CCM2L: variants seen among roughly 807,000 people sequenced by gnomAD.
The protein encoded by CCM2L is CCM2 like scaffold protein, also known as cerebral cavernous malformations 2 protein-like.
In CCM2L, 36 loss-of-function variants were observed where a neutral mutation model predicts 54.1. The observed-to-expected ratio is 0.67, with a 90% CI of 0.51 to 0.88. The LOEUF (loss-of-function observed/expected upper bound fraction) is 0.88, where lower values mean the gene tolerates loss of function less well. CCM2L is among the 40% of genes least tolerant of loss of function. The pLI is 0.00. For synonymous variants in CCM2L, 351 were observed against 359.3 expected, an observed-to-expected ratio of 0.98 and a Z score of 0.26; for missense variants, 700 against 812.1, an observed-to-expected ratio of 0.86 and a Z score of 1.68.
chr20:32,017,964 T>C lies in CCM2L; in HGVS notation c.283-15T>C, dbSNP rs760947640. 1.9e-6 allele frequency: 3 copies of C among 1,613,360 alleles called. No individual in the cohort carries two copies. The highest frequency in any genetic ancestry group is 2.5e-6 in the Non-Finnish European group (3 of 1,179,780). On this transcript the variant is annotated splice_polypyrimidine_tract_variant and intron_variant, in intron 3 of 9. Transcript: ENST00000452892. ...CTGCGGACCTCGGGAACTCGAGATCTGCCCCTCCCTGCAGCAGCTGAAGGA... is the reference window on the plus strand; with the variant it reads ...CTGCGGACCTCGGGAACTCGAGATCCGCCCCTCCCTGCAGCAGCTGAAGGA...
In CCM2L at chr20:32,014,558, G is replaced by A. The variant is rs569453835; in HGVS notation, c.31-346G>A. On this transcript the variant is annotated intron_variant, in intron 1 of 9. Coordinates refer to ENST00000452892, the MANE Select transcript of CCM2L (RefSeq NM_001365692.1). ...TGGGATTACAGGTATGAGCCACCAC[G>A]CCTGGCCTTGAATCCTAACATTTTT... Among the ~76,000 whole-genome samples, 14 of 152,196 alleles carry A rather than the reference G, an allele frequency of 9.2e-5. No homozygotes were observed. The South Asian group carries it at 1.5e-3, about 16-fold the overall frequency.
At position 32,018,064 on chromosome 20, in the gene CCM2L, GCGACAATGA is replaced by G. The variant is rs761230777; in HGVS notation, c.369_377del (p.Asp124_Glu126del). 20 of 1,613,660 alleles carry G rather than the reference GCGACAATGA, an allele frequency of 1.2e-5. No homozygotes were observed. The South Asian group carries it at 2.2e-4, about 18-fold the overall frequency. ...GCCCGCTGCCTGCTGCTCACCTGGC[GCGACAATGA>G]AGAGCTCATTCTGCGAATCCCTACG... On this transcript the variant is annotated inframe_deletion, in exon 4 of 10. Coordinates refer to ENST00000452892, the MANE Select transcript of CCM2L (RefSeq NM_001365692.1).
chr20:32,020,866 C>G lies in CCM2L; in HGVS notation c.933+1457C>G, dbSNP rs2064799742. Among the ~76,000 whole-genome samples, 3 of 152,122 alleles carry G rather than the reference C, an allele frequency of 2.0e-5. No homozygotes were observed. The South Asian group carries it at 6.2e-4, about 31-fold the overall frequency. ...AGGCATAGCGGCGGGTGCCTGTAAT[C>G]TCAGCTACTTGGGAGGCTGAAGCAC... is the stretch of plus-strand genomic sequence containing the variant. On this transcript the variant is annotated intron_variant, in intron 5 of 9. Coordinates refer to ENST00000452892, the MANE Select transcript of CCM2L (RefSeq NM_001365692.1).
At chr20:32,013,331 G>A (rs1414489238) in intron 1 of CCM2L, among the ~76,000 whole-genome samples, 1 of 152,084 alleles carries the variant, frequency 6.6e-6, no homozygotes, top group East Asian at 1.9e-4. Context: ...TTTTATGCCT[G>A]GGTCTCAGTC....
At position 32,018,861 on chromosome 20, in the gene CCM2L, C is replaced by T. The variant is rs372054476; in HGVS notation, c.467-82C>T. 94 of 1,231,658 alleles carry T rather than the reference C, an allele frequency of 7.6e-5. No individual in the cohort carries two copies. The East Asian group carries it at 2.0e-3, about 26-fold the overall frequency. The allele number at this position is 1,231,658 out of a possible 1,614,324, so 76.3% of individuals were successfully genotyped here. A position where few individuals can be genotyped will look rare whatever the true frequency, so the allele number is the denominator to read the frequency against. ...CGGTGGAACCCCAGAGCCGCGAGGT[C>T]AGGTGGCCAGCCGGCCTCGGCGGGG... On this transcript the variant is annotated intron_variant, in intron 4 of 9. Transcript: ENST00000452892.
Position 32,019,364 on chromosome 20 carries a change from C to T in CCM2L, c.888C>T (p.Ser296=), listed in dbSNP as rs746146760. The T allele has an allele frequency of 7.8e-5, 118 of 1,518,058 alleles. No individual in the cohort carries two copies. Among genetic ancestry groups the T allele is most frequent in the South Asian group, 7.3e-4 (61 of 83,008 alleles). 94.0% of individuals were successfully genotyped at this position (1,518,058 alleles called of 1,614,324 possible). The change falls in exon 5 of 10, where the codon AGC becomes AGT. Residue 296 remains serine, a synonymous_variant. Transcript: ENST00000452892. The part of the protein sequence containing the change: ...GPNPLDPQDP[S]PDAYCNLVIL... The stretch of plus-strand genomic sequence containing the variant: ...ACCCGCTCGACCCGCAGGACCCCAG[C>T]CCCGACGCCTACTGCAACCTGGTCA...
At chr20:32,015,408 G>A (rs1024499269) in intron 2 of CCM2L, among the ~76,000 whole-genome samples, 12 of 152,190 alleles carry the variant, frequency 7.9e-5, no homozygotes, top group African/African-American at 2.9e-4. Flanking sequence ...TCAGGAATAG[G>A]CATTGCAATG....
intron 1 of CCM2L, 76 bp downstream of exon 1, chr20:32,010,560 T>TGGGGGGAAAAGTGGGGGGGGGG: frequency 9.5e-6 from 1 of 105,750 alleles, no homozygotes; most frequent in Non-Finnish European, 1.8e-5. Flanking sequence ...TGGGGCGGGG[T>TGGGGGGAAAAGTGGGGGGGGGG]GGGGGGTCGG....
intron 7 of CCM2L, among the ~76,000 whole-genome samples, chr20:32,026,424 G>A (rs1351133570): frequency 6.6e-6 from 1 of 152,116 alleles, no homozygotes; most frequent in Non-Finnish European, 1.5e-5. Flanking sequence ...CCGAGATGGT[G>A]GTTGTAGCTC....
chr20:32,026,860 A>G (rs1348251066), intron 7 of CCM2L, among the ~76,000 whole-genome samples: 1 of 150,420 alleles, frequency 6.6e-6, no homozygotes, highest in Non-Finnish European at 1.5e-5. Flanking sequence ...TGGGCGACAG[A>G]GCGAGACTCT....
intron 2 of CCM2L, among the ~76,000 whole-genome samples, chr20:32,015,882 A>T (rs1368202594): frequency 7.7e-5 from 6 of 78,094 alleles, no homozygotes; most frequent in Admixed American, 3.9e-4. Flanking sequence ...TTTGAGACAG[A>T]GTCTCATTCT....
At chr20:32,026,455 T>C (rs2064861417) in intron 7 of CCM2L, among the ~76,000 whole-genome samples, 1 of 152,164 alleles carries the variant, frequency 6.6e-6, no homozygotes. Context: ...AGTAGCATGC[T>C]AAGGGGCCTC....
Position 32,017,784 on chromosome 20 carries a change from C to T in CCM2L, c.199-16C>T. On this transcript the variant is annotated splice_polypyrimidine_tract_variant and intron_variant, in intron 2 of 9. Coordinates refer to ENST00000452892, the MANE Select transcript of CCM2L (RefSeq NM_001365692.1). ...TGACATCTCTGTGTCCTTCTCTCACCCCGATTTCCATCCAGTTCCTGGGCC... is the reference window on the plus strand; with the variant it reads ...TGACATCTCTGTGTCCTTCTCTCACTCCGATTTCCATCCAGTTCCTGGGCC... 6.2e-7 allele frequency: 1 copy of T among 1,612,390 alleles called. No homozygotes were observed. The highest frequency in any genetic ancestry group is 8.5e-7 in the Non-Finnish European group (1 of 1,178,422).
chr20:32,031,240 G>A lies in CCM2L; in HGVS notation c.1642G>A (p.Asp548Asn). The change falls in exon 10 of 10, where the codon GAC (aspartate) becomes AAC (asparagine). Residue 548 changes from aspartate to asparagine, a missense_variant. Physicochemically the swap from Asp to Asn is conservative, Grantham distance 23. Coordinates refer to ENST00000452892, the MANE Select transcript of CCM2L (RefSeq NM_001365692.1). ...THDIEALAPD[D>N]DDDDEDEPRG... The stretch of plus-strand genomic sequence containing the variant: ...CGACATCGAGGCGCTGGCCCCCGAT[G>A]ACGACGACGACGACGAGGATGAGCC... 3.9e-6 allele frequency: 5 copies of A among 1,281,120 alleles called. No homozygotes were observed. Among genetic ancestry groups the A allele is most frequent in the African/African-American group, 3.5e-5 (2 of 57,710 alleles). 79.4% of individuals were successfully genotyped at this position (1,281,120 alleles called of 1,614,324 possible). A position where few individuals can be genotyped will look rare whatever the true frequency, so the allele number is the denominator to read the frequency against.
intron 5 of CCM2L, 87 bp from the exon 6 acceptor site, chr20:32,022,573 C>A: frequency 6.7e-7 from 1 of 1,484,004 alleles, no homozygotes; most frequent in African/African-American, 1.4e-5. Flanking sequence ...TATCTTTGTG[C>A]GCATCTTCAC....
chr20:32,028,902 A>T (rs2064889999), intron 7 of CCM2L, 93 bp from the exon 8 acceptor site: 1 of 1,521,616 alleles, frequency 6.6e-7, no homozygotes, highest in African/African-American at 1.4e-5. Context: ...GGAGGCCAGC[A>T]TGCAGTCTAG....
chr20:32,031,450 C>T lies in CCM2L; in HGVS notation c.*136C>T, dbSNP rs550483985. On this transcript the variant is annotated 3_prime_UTR_variant, in exon 10 of 10. Transcript: ENST00000452892. Reference sequence around the variant, plus strand: ...CTTCACTCCAGGGTCTCGCTCCCTGCCCTTGGGGCCCGGGGCCATGCAGTA... The same window carrying T: ...CTTCACTCCAGGGTCTCGCTCCCTGTCCTTGGGGCCCGGGGCCATGCAGTA... The T allele has an allele frequency of 8.3e-5, 55 of 659,356 alleles. 1 individual carries two copies. The South Asian group carries it at 9.1e-4, about 11-fold the overall frequency. The allele number at this position is 659,356 out of a possible 1,614,324, so 40.8% of individuals were successfully genotyped here.
At chr20:32,020,685 A>G (rs776112028) in intron 5 of CCM2L, among the ~76,000 whole-genome samples, 8 of 152,140 alleles carry the variant, frequency 5.3e-5, no homozygotes, top group Non-Finnish European at 1.2e-4. Flanking sequence ...CCACTCTGTC[A>G]ATAAATCCTG....
chr20:32,026,713 CA>C (rs377623433), intron 7 of CCM2L, among the ~76,000 whole-genome samples: 1 of 151,654 alleles, frequency 6.6e-6, no homozygotes, highest in Non-Finnish European at 1.5e-5. Flanking sequence ...CCATCTCCAC[CA>C]AAAATACAAA....
Sources: allele counts gnomAD v4.1 joint callset (sites outside exome capture counted in the v4.1 genomes callset), GRCh38; gene constraint gnomAD v4.1.1; transcripts MANE v1.5; gene names NCBI Gene and HGNC (gene_info 2026-07-23, HGNC 2026-07-21).